Variants in SDK1 observed in about 807,000 individuals in gnomAD.
SDK1 encodes the protein protein sidekick-1.
SDK1 carries 157 observed loss-of-function variants against 245.5 expected under a neutral mutation model. The ratio of observed to expected loss-of-function variants is 0.64; its 90% CI spans 0.56 to 0.73. The LOEUF is 0.73. SDK1 is among the 30% of genes least tolerant of loss of function. The pLI, the probability that SDK1 is intolerant of heterozygous loss-of-function variation, is 0.00. For missense variants in SDK1, 3,583 were observed against 3,002.3 expected (o/e 1.19, Z -4.52); for synonymous variants, 1,647 against 1,278.5 (o/e 1.29, Z -6.15).
intron 5 of SDK1, among the ~76,000 whole-genome samples, chr7:3,822,396 T>C (rs905508183): frequency 2.6e-5 from 4 of 152,248 alleles, no homozygotes; most frequent in African/African-American, 9.6e-5. Context: ...GAGTGAATTA[T>C]ATTGATTTGT....
chr7:3,981,065 A>G lies in SDK1; in HGVS notation c.1995-6121A>G, dbSNP rs558846480. On this transcript the variant is annotated intron_variant, in intron 13 of 44. Transcript: ENST00000404826. ...ATTTACAAACTGGAGGTTTGCAGCAACCCTGTGTTAAGTAAGTCTATTGAT... is the reference window on the plus strand; with the variant it reads ...ATTTACAAACTGGAGGTTTGCAGCAGCCCTGTGTTAAGTAAGTCTATTGAT... Among the ~76,000 whole-genome samples the G allele has an allele frequency of 5.8e-4, 89 of 152,246 alleles. 1 individual carries two copies. Among genetic ancestry groups the G allele is most frequent in the East Asian group, 1.9e-3 (10 of 5,194 alleles).
intron 1 of SDK1, among the ~76,000 whole-genome samples, chr7:3,559,597 C>G (rs138932131): frequency 1.3e-5 from 2 of 152,092 alleles, no homozygotes; most frequent in Non-Finnish European, 2.9e-5. Flanking sequence ...CAGTGTCTTG[C>G]AAGAGCTTTC....
At chr7:3,951,631 G>A (rs1160084245) in intron 6 of SDK1, 99 bp from the exon 7 acceptor site, 2 of 1,018,974 alleles carry the variant, frequency 2.0e-6, no homozygotes, top group Non-Finnish European at 3.0e-6. Flanking sequence ...CACCCTGGTA[G>A]CATTAGCTTC....
chr7:3,474,694 C>A (rs188288750), intron 1 of SDK1, among the ~76,000 whole-genome samples: 2 of 151,968 alleles, frequency 1.3e-5, no homozygotes, highest in Admixed American at 6.6e-5. Context: ...GTCATTACTT[C>A]TATTTTTATT....
At position 4,114,203 on chromosome 7, in the gene SDK1, A is replaced by G; in HGVS notation, c.3752A>G (p.Gln1251Arg). The change falls in exon 25 of 45, where the codon CAG becomes CGG. Residue 1251 changes from glutamine (Q) to arginine (R), a missense_variant. Physicochemically the swap from Gln to Arg is conservative, Grantham distance 43. Coordinates refer to ENST00000404826, the MANE Select transcript of SDK1 (RefSeq NM_152744.4). ...ELEEWMEYEL[Q>R]MQAFNAVGAG... ...GAGGAGTGGATGGAATACGAGCTGC[A>G]GATGCAGGCCTTCAACGCCGTCGGG... 2 of 1,613,932 alleles carry G rather than the reference A, an allele frequency of 1.2e-6. No individual in the cohort carries two copies. The highest frequency in any genetic ancestry group is 1.7e-6 in the Non-Finnish European group (2 of 1,180,006).
At chr7:4,023,664 G>A (rs1787110531) in intron 17 of SDK1, among the ~76,000 whole-genome samples, 1 of 152,190 alleles carries the variant, frequency 6.6e-6, no homozygotes, top group Non-Finnish European at 1.5e-5. Flanking sequence ...TACTGCCAGT[G>A]TTTACTTCAG....
At chr7:3,977,413 T>A (rs1301479302) in intron 13 of SDK1, among the ~76,000 whole-genome samples, 4 of 108,494 alleles carry the variant, frequency 3.7e-5, no homozygotes, top group Non-Finnish European at 9.0e-5. Context: ...GTCCCGGGGC[T>A]GAGGCTGCCA....
Position 4,017,157 on chromosome 7 carries a change from C to T in SDK1, c.2421-14C>T. 6.3e-7 allele frequency: 1 copy of T among 1,596,228 alleles called. No individual in the cohort carries two copies. Among genetic ancestry groups the T allele is most frequent in the Non-Finnish European group, 8.5e-7 (1 of 1,170,666 alleles). On this transcript the variant is annotated splice_polypyrimidine_tract_variant and intron_variant, in intron 16 of 44. Coordinates refer to ENST00000404826, the MANE Select transcript of SDK1 (RefSeq NM_152744.4). Reference sequence around the variant, plus strand: ...GTTATTTCCTTATCGTGATGGGCTTCCTTCGTGGCGCAGGTACCGCCTGGC... The same window carrying T: ...GTTATTTCCTTATCGTGATGGGCTTTCTTCGTGGCGCAGGTACCGCCTGGC...
intron 42 of SDK1, among the ~76,000 whole-genome samples, chr7:4,239,496 A>G (rs1180042055): frequency 6.6e-6 from 1 of 152,230 alleles, no homozygotes; most frequent in Non-Finnish European, 1.5e-5. Flanking sequence ...ACTTCTCTGG[A>G]TAACCAGAAT....
intron 5 of SDK1, among the ~76,000 whole-genome samples, chr7:3,919,115 C>T (rs900188444): frequency 3.3e-5 from 5 of 152,196 alleles, no homozygotes; most frequent in African/African-American, 9.7e-5. Context: ...CTCACATAAT[C>T]TATCTCAGCT....
At chr7:3,342,099 ATGCCAAATTAATTTT>A (rs1780363414) in intron 1 of SDK1, among the ~76,000 whole-genome samples, 2 of 152,230 alleles carry the variant, frequency 1.3e-5, no homozygotes, top group Admixed American at 6.5e-5. Flanking sequence ...ATACATAAAT[ATGCCAAATTAATTTT>A]TGACAAAGGT....
intron 1 of SDK1, among the ~76,000 whole-genome samples, chr7:3,309,792 C>T (rs112109990): frequency 1.3e-5 from 2 of 151,998 alleles, no homozygotes; most frequent in Non-Finnish European, 2.9e-5. Context: ...ATGTATTTGC[C>T]GGCCAAAGGT....
At chr7:3,475,825 T>C (rs1018414874) in intron 1 of SDK1, among the ~76,000 whole-genome samples, 5 of 152,186 alleles carry the variant, frequency 3.3e-5, no homozygotes, top group African/African-American at 1.2e-4. Flanking sequence ...AAAAATCACC[T>C]GAGCTGCCTC....
chr7:4,174,628 C>T (rs1283840851), intron 33 of SDK1, among the ~76,000 whole-genome samples: 1 of 152,140 alleles, frequency 6.6e-6, no homozygotes, highest in Non-Finnish European at 1.5e-5. Context: ...CCAGTGACTG[C>T]ACTCTACCGG....
At position 3,470,438 on chromosome 7, in the gene SDK1, T is replaced by C. The variant is rs183676612; in HGVS notation, c.299-148642T>C. Among the ~76,000 whole-genome samples the C allele has an allele frequency of 3.4e-3, 519 of 152,294 alleles. 3 individuals carry two copies. Among genetic ancestry groups the C allele is most frequent in the African/African-American group, 0.012 (481 of 41,558 alleles). ...ATATAAAATTTGTAATCAAACAATT[T>C]AATTTTTGATACACTATTTTGACCT... is the stretch of plus-strand genomic sequence containing the variant. On this transcript the variant is annotated intron_variant, in intron 1 of 44. Coordinates refer to ENST00000404826, the MANE Select transcript of SDK1 (RefSeq NM_152744.4).
intron 4 of SDK1, among the ~76,000 whole-genome samples, chr7:3,739,056 G>A (rs193082889): frequency 6.6e-6 from 1 of 151,322 alleles, no homozygotes. Flanking sequence ...TTTCTGATTT[G>A]CATGCCTGCA....
At chr7:3,915,269 A>G (rs1779329658) in intron 5 of SDK1, among the ~76,000 whole-genome samples, 1 of 152,132 alleles carries the variant, frequency 6.6e-6, no homozygotes, top group African/African-American at 2.4e-5. Flanking sequence ...CCCTTGTTGG[A>G]GCCAGGGGAG....
intron 11 of SDK1, among the ~76,000 whole-genome samples, chr7:3,970,262 A>G (rs1000724670): frequency 6.6e-6 from 1 of 152,220 alleles, no homozygotes; most frequent in African/African-American, 2.4e-5. Context: ...GAAAAAGTAA[A>G]TCATTGTGCT....
chr7:3,909,511 C>G (rs768899429), intron 5 of SDK1, among the ~76,000 whole-genome samples: 1 of 152,236 alleles, frequency 6.6e-6, no homozygotes. Context: ...TATGCTTCTG[C>G]TGATCCCTAC....
Sources: allele counts gnomAD v4.1 joint callset (sites outside exome capture counted in the v4.1 genomes callset), GRCh38; gene constraint gnomAD v4.1.1; transcripts MANE v1.5; gene names NCBI Gene and HGNC (gene_info 2026-07-23, HGNC 2026-07-21).